The following CDSN variants were observed in gnomAD, a reference collection of about 807,000 sequenced individuals.
The protein encoded by CDSN is S protein.
CDSN carries 11 observed loss-of-function variants against 25.6 expected under a neutral mutation model. That is an observed-to-expected ratio of 0.43 (90% CI 0.27 to 0.71). The LOEUF (loss-of-function observed/expected upper bound fraction) is 0.71. Among genes scored for constraint, CDSN ranks in the 30% least tolerant of loss-of-function variants. The pLI is 0.20. For synonymous variants in CDSN, 266 were observed against 267.4 expected (o/e 0.99, Z 0.05); for missense variants, 598 against 670.9 (o/e 0.89, Z 1.20).
chr6:31,116,977 G>A lies in CDSN; in HGVS notation c.638C>T (p.Ser213Phe), dbSNP rs1772173594. 12 of 1,614,124 alleles carry A rather than the reference G, an allele frequency of 7.4e-6. No individual in the cohort carries two copies. The Admixed American group carries it at 1.0e-4, about 13-fold the overall frequency. ...GTCCGAACTACAGGGACGCTGGTTG[G>A]AGCTGACGCTTTGGCCACTGCTGGA... ...GVSSSGQSVS[S>F]NQRPCSSDIP... is the part of the protein sequence containing the mutation. The change falls in exon 2 of 2, where the codon TCC becomes TTC. Residue 213 changes from serine to phenylalanine, a missense_variant. Coordinates refer to ENST00000376288, the MANE Select transcript of CDSN (RefSeq NM_001264.5).
rs551570520 is a variant in CDSN, at chr6:31,120,347, G to C, written c.73C>G (p.Leu25Val). The C allele has an allele frequency of 1.3e-6, 2 of 1,585,028 alleles. No individual in the cohort carries two copies. Among genetic ancestry groups the C allele is most frequent in the Non-Finnish European group, 1.7e-6 (2 of 1,166,568 alleles). The change falls in exon 1 of 2, where the codon CTC becomes GTC. Residue 25 changes from leucine (L) to valine (V), a missense_variant. Coordinates refer to ENST00000376288, the MANE Select transcript of CDSN (RefSeq NM_001264.5). ...HGMMALLLAGLLLPGTLAKSI... is the reference protein window; with the variant it reads ...HGMMALLLAGVLLPGTLAKSI... The stretch of plus-strand genomic sequence containing the variant: ...CCCAGCCTCCTACCTGGCAGGAGGA[G>C]ACCAGCCAGCAGCAGTGCCATCATC...
At position 31,116,835 on chromosome 6, in the gene CDSN, G is replaced by A. The variant is rs566049981; in HGVS notation, c.780C>T (p.His260=). The change falls in exon 2 of 2, where the codon CAC becomes CAT. Residue 260 remains histidine (H), a synonymous_variant. Coordinates refer to ENST00000376288, the MANE Select transcript of CDSN (RefSeq NM_001264.5). ...QRPVVVVVDQ[H]GSGAPGVVQG... ...GAACCACTCCAGGGGCACCAGAACC[G>A]TGCTGGTCCACCACCACCACCACAG... 29 of 1,614,008 alleles carry A rather than the reference G, an allele frequency of 1.8e-5. 1 individual carries two copies. In the South Asian group the frequency reaches 2.3e-4, roughly 13 times the overall value.
rs1772077068 is a variant in CDSN at position 31,115,801 on chromosome 6, A to G, written c.*224T>C. 3.5e-6 allele frequency: 2 copies of G among 578,116 alleles called. No homozygotes were observed. The highest frequency in any genetic ancestry group is 6.2e-6 in the Non-Finnish European group (2 of 324,926). The allele number at this position is 578,116 out of a possible 1,614,324, so 35.8% of individuals were successfully genotyped here. A position where few individuals can be genotyped will look rare whatever the true frequency, so the allele number is the denominator to read the frequency against. ...AATGGGAATTTAAACAGTAGGAGAG[A>G]ATCAAGAGAGGAGCTTTGAATCTAC... On this transcript the variant is annotated 3_prime_UTR_variant, in exon 2 of 2. Transcript: ENST00000376288. The surrounding 1 kb of genome is among the most constrained non-coding windows in gnomAD (Gnocchi z 4.2).
Position 31,117,014 on chromosome 6 carries a change from TC to T in CDSN, c.600del (p.Thr201ProfsTer89). On this transcript the variant is annotated frameshift_variant, in exon 2 of 2. Coordinates refer to ENST00000376288, the MANE Select transcript of CDSN (RefSeq NM_001264.5). LOFTEE classifies it high-confidence loss of function. ...SQPGQSSSSS[Q>X]TFGVSSSGQS... The stretch of plus-strand genomic sequence containing the variant: ...TGGCCACTGCTGGATACCCCAAAGG[TC>T]TGGGAAGAGGAAGAGCTTTGTCCAG... The T allele has an allele frequency of 6.2e-7, 1 of 1,614,068 alleles. No individual in the cohort carries two copies. Among genetic ancestry groups the T allele is most frequent in the Non-Finnish European group, 8.5e-7 (1 of 1,180,000 alleles).
In CDSN at chr6:31,117,021, A is replaced by G; in HGVS notation, c.594T>C (p.Ser198=). The G allele has an allele frequency of 6.2e-7, 1 of 1,614,226 alleles. No individual in the cohort carries two copies. Among genetic ancestry groups the G allele is most frequent in the Non-Finnish European group, 8.5e-7 (1 of 1,180,040 alleles). Residue 198 remains serine (S), a synonymous_variant, in exon 2 of 2, where the codon TCT becomes TCC. Transcript: ENST00000376288. ...TGCTGGATACCCCAAAGGTCTGGGA[A>G]GAGGAAGAGCTTTGTCCAGGCTGGG... ...NPSQPGQSSS[S]SQTFGVSSSG... is the part of the protein sequence containing the mutation.
In CDSN at chr6:31,115,843, A is replaced by G; in HGVS notation, c.*182T>C. 1.7e-6 allele frequency: 1 copy of G among 597,082 alleles called. No individual in the cohort carries two copies. The highest frequency in any genetic ancestry group is 3.0e-6 in the Non-Finnish European group (1 of 333,544). 37.0% of individuals were successfully genotyped at this position (597,082 alleles called of 1,614,324 possible). A position where few individuals can be genotyped will look rare whatever the true frequency, so the allele number is the denominator to read the frequency against. On this transcript the variant is annotated 3_prime_UTR_variant, in exon 2 of 2. Coordinates refer to ENST00000376288, the MANE Select transcript of CDSN (RefSeq NM_001264.5). The surrounding 1 kb of genome is among the most constrained non-coding windows in gnomAD (Gnocchi z 4.2). Reference sequence around the variant, plus strand: ...TGAATCTACCATTTTGAGAAGAGGAAGGAGGAAGGGGTGATAAGAGAGAGT... The same window carrying G: ...TGAATCTACCATTTTGAGAAGAGGAGGGAGGAAGGGGTGATAAGAGAGAGT...
Position 31,115,915 on chromosome 6 carries a change from GGA to G in CDSN, c.*108_*109del. On this transcript the variant is annotated 3_prime_UTR_variant, in exon 2 of 2. Coordinates refer to ENST00000376288, the MANE Select transcript of CDSN (RefSeq NM_001264.5). The surrounding 1 kb of genome is among the most constrained non-coding windows in gnomAD (Gnocchi z 4.2). ...GAAAGCAGAACCACTCTTTTGGGAA[GGA>G]GGGAAACTGAGCTAACCCTATGCCT... The G allele has an allele frequency of 1.1e-6, 1 of 946,956 alleles. No individual in the cohort carries two copies. 58.7% of individuals were successfully genotyped at this position (946,956 alleles called of 1,614,324 possible).
intron 1 of CDSN, 38 bp from the exon 2 acceptor site, chr6:31,117,567 G>T: frequency 6.6e-7 from 1 of 1,523,304 alleles, no homozygotes; most frequent in Non-Finnish European, 8.9e-7. Flanking sequence ...GGCCAAGGAG[G>T]CTTGGCTTCC....
chr6:31,117,626 C>T, intron 1 of CDSN, 97 bp from the exon 2 acceptor site: 1 of 1,031,304 alleles, frequency 9.7e-7, no homozygotes. Flanking sequence ...CGGGTTTCTC[C>T]CAAGCAGAGC....
chr6:31,116,344 G>C lies in CDSN; in HGVS notation c.1271C>G (p.Ser424Cys), dbSNP rs777897091. The change falls in exon 2 of 2, where the codon TCC becomes TGC. Residue 424 changes from serine to cysteine, a missense_variant. Physicochemically the swap from Ser to Cys is moderately radical, Grantham distance 112. Transcript: ENST00000376288. ...GCTGAAGGAGCCGGTGCCTGGTGGG[G>C]AGCAGGGGCTCTGGGAAGCACTGCC... ...PCGSASQSPC[S>C]PPGTGSFSSS... 6.2e-7 allele frequency: 1 copy of C among 1,613,130 alleles called. No individual in the cohort carries two copies. The highest frequency in any genetic ancestry group is 1.1e-5 in the South Asian group (1 of 90,970).
Position 31,116,619 on chromosome 6 carries a change from G to T in CDSN, c.996C>A (p.Gly332=). 6.2e-7 allele frequency: 1 copy of T among 1,613,260 alleles called. No homozygotes were observed. Among genetic ancestry groups the T allele is most frequent in the Non-Finnish European group, 8.5e-7 (1 of 1,180,006 alleles). The stretch of plus-strand genomic sequence containing the variant: ...CTGCAAAGGAAGGGACCCCTGGAGA[G>T]CCTTTCACAGGGTTCTCTTTGGTGA... ...GYFTKENPVK[G]SPGVPSFAAG... Residue 332 remains glycine, a synonymous_variant, in exon 2 of 2, where the codon GGC becomes GGA. Transcript: ENST00000376288.
At chr6:31,119,577 C>T (rs3130991) in intron 1 of CDSN, among the ~76,000 whole-genome samples, 62,151 of 152,046 alleles carry the variant, frequency 0.41, 13,545 homozygotes, top group African/African-American at 0.57. Flanking sequence ...AGCAAATCTC[C>T]TTTCATACCG....
In CDSN at chr6:31,116,501, C is replaced by A; in HGVS notation, c.1114G>T (p.Val372Leu). ...AASSAIAFQP[V>L]GTGGVQLCGG... is the part of the protein sequence containing the mutation. ...CAGAGCTGGACCCCACCAGTCCCCA[C>A]TGGCTGGAATGCAATGGCCGAGGAA... Residue 372 changes from valine to leucine, a missense_variant, in exon 2 of 2, where the codon GTG (valine) becomes TTG (leucine). Coordinates refer to ENST00000376288, the MANE Select transcript of CDSN (RefSeq NM_001264.5). 1 of 1,610,750 alleles carries A rather than the reference C, an allele frequency of 6.2e-7. No individual in the cohort carries two copies.
In CDSN at chr6:31,120,395, T is replaced by G; in HGVS notation, c.25A>C (p.Met9Leu). The change falls in exon 1 of 2, where the codon ATG (methionine) becomes CTG (leucine). Residue 9 changes from methionine (M) to leucine (L), a missense_variant. Physicochemically the swap from Met to Leu is conservative, Grantham distance 15. Coordinates refer to ENST00000376288, the MANE Select transcript of CDSN (RefSeq NM_001264.5). The stretch of plus-strand genomic sequence containing the variant: ...ATCCCGTGCCCACCCACACGCCCCA[T>G]CCAGGGTGCCCGAGACGAGCCCATC... MGSSRAPW[M>L]GRVGGHGMMA... 1 of 1,592,106 alleles carries G rather than the reference T, an allele frequency of 6.3e-7. No homozygotes were observed. Among genetic ancestry groups the G allele is most frequent in the Non-Finnish European group, 8.5e-7 (1 of 1,170,040 alleles).
chr6:31,116,233 G>A lies in CDSN; in HGVS notation c.1382C>T (p.Ser461Phe), dbSNP rs1474306528. 1.9e-6 allele frequency: 3 copies of A among 1,613,942 alleles called. No individual in the cohort carries two copies. Among genetic ancestry groups the A allele is most frequent in the Non-Finnish European group, 2.5e-6 (3 of 1,179,962 alleles). Residue 461 changes from serine to phenylalanine, a missense_variant, in exon 2 of 2, where the codon TCT (serine) becomes TTT (phenylalanine). Transcript: ENST00000376288. ...KSSSSGHPCM[S>F]VSSLTLTGGP... is the part of the protein sequence containing the mutation. ...CCCAGTCAGTGTCAAGGAGGAGACA[G>A]ACATGCAAGGGTGACCAGAAGAGCT...
chr6:31,116,493 A>C lies in CDSN; in HGVS notation c.1122T>G (p.Thr374=). Residue 374 remains threonine, a synonymous_variant, in exon 2 of 2, where the codon ACT becomes ACG. Coordinates refer to ENST00000376288, the MANE Select transcript of CDSN (RefSeq NM_001264.5). ...CGCCTCCACAGAGCTGGACCCCACCAGTCCCCACTGGCTGGAATGCAATGG... is the reference window on the plus strand; with the variant it reads ...CGCCTCCACAGAGCTGGACCCCACCCGTCCCCACTGGCTGGAATGCAATGG... ...SSAIAFQPVG[T]GGVQLCGGGS... 2 of 1,609,060 alleles carry C rather than the reference A, an allele frequency of 1.2e-6. No individual in the cohort carries two copies. Among genetic ancestry groups the C allele is most frequent in the Non-Finnish European group, 1.7e-6 (2 of 1,177,606 alleles).
In CDSN at chr6:31,116,044, T is replaced by C. The variant is rs1325211965; in HGVS notation, c.1571A>G (p.Glu524Gly). Residue 524 changes from glutamate (E) to glycine (G), a missense_variant, in exon 2 of 2, where the codon GAG (glutamate) becomes GGG (glycine). Physicochemically the swap from Glu to Gly is moderately conservative, Grantham distance 98. Coordinates refer to ENST00000376288, the MANE Select transcript of CDSN (RefSeq NM_001264.5). ...GACTTCTTATGGACTGTTGAGTAACTCTCCTTGGGGTAGGAAAACTTCAGG... is the reference window on the plus strand; with the variant it reads ...GACTTCTTATGGACTGTTGAGTAACCCTCCTTGGGGTAGGAAAACTTCAGG... ...ADPEVFLPQG[E>G]LLNSP The C allele has an allele frequency of 1.2e-6, 2 of 1,611,708 alleles. No homozygotes were observed. Among genetic ancestry groups the C allele is most frequent in the Non-Finnish European group, 1.7e-6 (2 of 1,179,808 alleles).
At position 31,116,182 on chromosome 6, in the gene CDSN, T is replaced by A. The variant is rs370187632; in HGVS notation, c.1433A>T (p.Asp478Val). The A allele has an allele frequency of 6.2e-7, 1 of 1,612,772 alleles. No individual in the cohort carries two copies. The highest frequency in any genetic ancestry group is 1.3e-5 in the African/African-American group (1 of 74,774). ...TGGPDGSPHP[D>V]PSAGAKPCGS... is the part of the protein sequence containing the mutation. ...ACAGGGCTTGGCACCAGCGGAGGGATCAGGATGGGGAGAGCCATCGGGGCC... is the reference window on the plus strand; with the variant it reads ...ACAGGGCTTGGCACCAGCGGAGGGAACAGGATGGGGAGAGCCATCGGGGCC... The change falls in exon 2 of 2, where the codon GAT becomes GTT. Residue 478 changes from aspartate to valine, a missense_variant. Coordinates refer to ENST00000376288, the MANE Select transcript of CDSN (RefSeq NM_001264.5).
In CDSN at chr6:31,117,260, A is replaced by G. The variant is rs1772202152; in HGVS notation, c.355T>C (p.Ser119Pro). The G allele has an allele frequency of 6.2e-7, 1 of 1,609,496 alleles. No individual in the cohort carries two copies. Among genetic ancestry groups the G allele is most frequent in the African/African-American group, 1.3e-5 (1 of 74,810 alleles). ...GTGYSQVSYS[S>P]GSGSSLQGAS... is the part of the protein sequence containing the mutation. The stretch of plus-strand genomic sequence containing the variant: ...CCTTGTAGACTAGAGCCAGATCCGG[A>G]GGAGTAGCTGACCTGGGAATACCCC... The change falls in exon 2 of 2, where the codon TCC becomes CCC. Residue 119 changes from serine to proline, a missense_variant. Coordinates refer to ENST00000376288, the MANE Select transcript of CDSN (RefSeq NM_001264.5).
Sources: allele counts gnomAD v4.1 joint callset (sites outside exome capture counted in the v4.1 genomes callset), GRCh38; gene constraint gnomAD v4.1.1; non-coding constraint Gnocchi (gnomAD v3.1); transcripts MANE v1.5; gene names NCBI Gene and HGNC (gene_info 2026-07-23, HGNC 2026-07-21).